Variants in ODF2L observed in about 807,000 individuals in gnomAD.
ODF2L encodes protein BCAP.
Under a neutral mutation model 86.3 loss-of-function variants are expected in ODF2L, and 76 were observed. The observed-to-expected ratio is 0.88, with a 90% CI of 0.73 to 1.07. ODF2L has a LOEUF of 1.07. Among genes scored for constraint, ODF2L ranks in the 50% least tolerant of loss-of-function variants. The pLI is 0.00. For synonymous variants in ODF2L, 241 were observed against 231.3 expected, an observed-to-expected ratio of 1.04 and a Z score of -0.38; for missense variants, 748 against 717.4, an observed-to-expected ratio of 1.04 and a Z score of -0.49.
intron 11 of ODF2L, among the ~76,000 whole-genome samples, chr1:86,366,250 A>G (rs1659405470): frequency 6.6e-6 from 1 of 151,964 alleles, no homozygotes; most frequent in South Asian, 2.1e-4. Flanking sequence ...TTTTTATATT[A>G]AAAAAAGGAA....
chr1:86,352,899 T>C, exon 17 of ODF2L: 2 of 1,555,290 alleles, frequency 1.3e-6, no homozygotes, highest in Non-Finnish European at 1.8e-6. Flanking sequence ...TTCTTCATTT[T>C]TCTTTCTAAG....
chr1:86,368,502 C>T (rs1659592153), intron 11 of ODF2L: 1 of 759,004 alleles, frequency 1.3e-6, no homozygotes, highest in Non-Finnish European at 1.8e-6. Flanking sequence ...ACTAGCTCCT[C>T]AAAGAGTTAC....
chr1:86,368,456 A>G lies in ODF2L; in HGVS notation c.1143+180T>C, dbSNP rs115380240. ...ATTTACAGATATGCAGATAACTATC[A>G]GAAGAATAAAAATAGAAATTGTTTA... On this transcript the variant is annotated intron_variant, in intron 11 of 17. Transcript: ENST00000317336. Among the ~76,000 whole-genome samples, 1,013 of 152,198 alleles carry G rather than the reference A, an allele frequency of 6.7e-3. 6 individuals are homozygous for G. Among genetic ancestry groups the G allele is most frequent in the Non-Finnish European group, 0.011 (726 of 67,990 alleles).
chr1:86,390,469 A>C (rs1056326575), intron 1 of ODF2L, among the ~76,000 whole-genome samples: 3 of 152,206 alleles, frequency 2.0e-5, no homozygotes, highest in Non-Finnish European at 2.9e-5. Flanking sequence ...TTCAACATCA[A>C]AAAGATAATC....
chr1:86,354,981 C>T (rs993412174), intron 14 of ODF2L, 122 bp from the exon 14 acceptor site: 5 of 588,034 alleles, frequency 8.5e-6, no homozygotes, highest in African/African-American at 5.6e-5. Context: ...ACTACTCTTA[C>T]ACAGAAAGAC....
At chr1:86,352,527 G>A (rs976442662) in intron 17 of ODF2L, among the ~76,000 whole-genome samples, 1 of 152,038 alleles carries the variant, frequency 6.6e-6, no homozygotes, top group African/African-American at 2.4e-5. Flanking sequence ...AGTTTACACT[G>A]TGTTTATCTT....
chr1:86,363,983 C>G (rs1290602010), intron 11 of ODF2L, among the ~76,000 whole-genome samples: 1 of 152,010 alleles, frequency 6.6e-6, no homozygotes, highest in Non-Finnish European at 1.5e-5. Flanking sequence ...ACTGCATTTA[C>G]TCTGCAAATA....
chr1:86,353,799 T>C (rs1412248838), intron 16 of ODF2L, among the ~76,000 whole-genome samples: 1 of 152,174 alleles, frequency 6.6e-6, no homozygotes, highest in Non-Finnish European at 1.5e-5. Context: ...AGGACAAACA[T>C]TGACGCCCTT....
At chr1:86,381,629 G>A (rs143235042) in intron 7 of ODF2L, among the ~76,000 whole-genome samples, 1 of 151,830 alleles carries the variant, frequency 6.6e-6, no homozygotes, top group East Asian at 1.9e-4. Flanking sequence ...AAAAAAAAGA[G>A]TTACCTTATA....
At chr1:86,393,907 G>C (rs557704670) in intron 1 of ODF2L, among the ~76,000 whole-genome samples, 2 of 152,034 alleles carry the variant, frequency 1.3e-5, no homozygotes, top group African/African-American at 4.8e-5. Flanking sequence ...GTTTAAACTC[G>C]GACACTTTTG....
At chr1:86,354,390 G>A in intron 16 of ODF2L, 140 bp downstream of exon 15, 1 of 578,476 alleles carries the variant, frequency 1.7e-6, no homozygotes, top group South Asian at 2.5e-5. Context: ...TGAAAAGGAA[G>A]ATAGTTAAAG....
At chr1:86,389,136 C>T (rs989788945) in intron 1 of ODF2L, among the ~76,000 whole-genome samples, 3 of 152,098 alleles carry the variant, frequency 2.0e-5, no homozygotes, top group African/African-American at 4.8e-5. Context: ...ATAAGAAATG[C>T]TATCATTTTA....
chr1:86,376,736 C>T lies in ODF2L; in HGVS notation c.625-318G>A, dbSNP rs145424457. ...CCCCTTATAAAACCATCAGGTCTCA[C>T]GAGAACTCACTCATTATCATGAGAA... On this transcript the variant is annotated intron_variant, in intron 7 of 17. Transcript: ENST00000317336. 1.9e-3 allele frequency among the ~76,000 whole-genome samples: 282 copies of T among 152,144 alleles called. 1 individual carries two copies. The highest frequency in any genetic ancestry group is 6.2e-3 in the African/African-American group (259 of 41,516).
At position 86,376,414 on chromosome 1, in the gene ODF2L, A is replaced by C; in HGVS notation, c.629T>G (p.Leu210Ter). 6.4e-7 allele frequency: 1 copy of C among 1,571,426 alleles called. No homozygotes were observed. The change falls in exon 8 of 18, where the codon TTA becomes TGA. Residue 210 changes from leucine (L) to a stop codon, truncating the protein, a stop_gained. Coordinates refer to ENST00000317336, the Ensembl canonical transcript of ODF2L. LOFTEE classifies it high-confidence loss of function. The stretch of plus-strand genomic sequence containing the variant: ...GTTCCACTTGGCTATCTTGGTTTCT[A>C]AGCTCTAAAAAAAAAATTAGCAACA...
At chr1:86,370,286 A>G (rs1659704405) in intron 10 of ODF2L, among the ~76,000 whole-genome samples, 1 of 150,848 alleles carries the variant, frequency 6.6e-6, no homozygotes, top group Non-Finnish European at 1.5e-5. Flanking sequence ...TTAATTCTAA[A>G]TATCATTTAG....
chr1:86,390,634 G>A (rs28782251), intron 1 of ODF2L, among the ~76,000 whole-genome samples: 40,984 of 151,840 alleles, frequency 0.27, 6,367 homozygotes, highest in East Asian at 0.41. Flanking sequence ...ATCCAGCATC[G>A]CTTTATGATT....
intron 12 of ODF2L, among the ~76,000 whole-genome samples, chr1:86,359,731 CCA>C (rs139257969): frequency 0.038 from 5,789 of 151,988 alleles, 177 homozygotes; most frequent in African/African-American, 0.08. Flanking sequence ...ACCATGGTGG[CCA>C]GGCTAGTCTC....
chr1:86,368,610 T>C, intron 11 of ODF2L: 1 of 1,370,210 alleles, frequency 7.3e-7, no homozygotes, highest in South Asian at 1.9e-5. Flanking sequence ...TATAGAGAAC[T>C]AATGGCAGTA....
chr1:86,394,392 G>C (rs1661554337), intron 1 of ODF2L, among the ~76,000 whole-genome samples: 1 of 145,202 alleles, frequency 6.9e-6, no homozygotes, highest in Non-Finnish European at 1.5e-5. Flanking sequence ...CTCCACTGCG[G>C]CAGAGCGAGA....
Sources: gnomAD v4.1 joint callset for allele counts (sites outside exome capture counted in the v4.1 genomes callset) on GRCh38, gnomAD v4.1.1 for gene constraint, MANE v1.5 for transcripts, NCBI Gene and HGNC (gene_info 2026-07-23, HGNC 2026-07-21) for gene names.